Variants in DNAH10 observed in about 807,000 individuals in gnomAD.
DNAH10 encodes the protein axonemal beta dynein heavy chain 10.
A neutral mutation model predicts 506.6 loss-of-function variants in DNAH10; 348 were observed. That is an observed-to-expected ratio of 0.69 (90% confidence interval 0.63 to 0.75). The LOEUF is 0.75. Among genes scored for constraint, DNAH10 ranks in the 30% least tolerant of loss-of-function variants. The pLI is 0.00. For missense variants in DNAH10, 5,179 were observed against 5,787.1 expected (o/e 0.89, Z 3.41); for synonymous variants, 2,059 against 2,198.6 (o/e 0.94, Z 1.78).
At chr12:123,782,631 C>T (rs905432996) in intron 6 of DNAH10, among the ~76,000 whole-genome samples, 20 of 151,752 alleles carry the variant, frequency 1.3e-4, no homozygotes, top group Admixed American at 8.5e-4. Flanking sequence ...AGGCTGGTCT[C>T]GAACTCCTGA....
In DNAH10 at chr12:123,806,624, G is replaced by A. The variant is rs182105963; in HGVS notation, c.2987+1584G>A. Among the ~76,000 whole-genome samples, 363 of 152,168 alleles carry A rather than the reference G, an allele frequency of 2.4e-3. 1 individual carries two copies. The highest frequency in any genetic ancestry group is 4.2e-3 in the Non-Finnish European group (288 of 68,012). ...CTTCTTGTTTTCTGGACCCAGTTTCGCAAACTTCTCTAAGTTGATCCTTTA... is the reference window on the plus strand; with the variant it reads ...CTTCTTGTTTTCTGGACCCAGTTTCACAAACTTCTCTAAGTTGATCCTTTA... On this transcript the variant is annotated intron_variant, in intron 18 of 78. Transcript: ENST00000673944.
At chr12:123,792,451 CTTTTTTTTTTTTTTTTT>C (rs78654407) in intron 11 of DNAH10, among the ~76,000 whole-genome samples, 79,987 of 135,794 alleles carry the variant, frequency 0.59, 23,295 homozygotes, top group East Asian at 0.94. Flanking sequence ...TTCCTTTGTC[CTTTTTTTTTTTTTTTTT>C]TTTTTTTTGA....
At chr12:123,897,043 G>T (rs114178813) in intron 54 of DNAH10, among the ~76,000 whole-genome samples, 2,567 of 152,180 alleles carry the variant, frequency 0.017, 78 homozygotes, top group African/African-American at 0.058. Context: ...TCGAATCTGT[G>T]TTCTGTCTGT....
At chr12:123,827,028 A>G (rs1425343009) in intron 25 of DNAH10, 130 bp downstream of exon 25, 9 of 742,892 alleles carry the variant, frequency 1.2e-5, no homozygotes, top group East Asian at 8.1e-5. Flanking sequence ...AGGGCTATAC[A>G]TGGGCACGAC....
At chr12:123,778,849 C>T (rs112357542) in intron 5 of DNAH10, among the ~76,000 whole-genome samples, 6,371 of 152,138 alleles carry the variant, frequency 0.042, 425 homozygotes, top group African/African-American at 0.14. Context: ...GTGATCCTCC[C>T]ATCTCAGCCT....
chr12:123,775,110 T>C (rs568056496), intron 5 of DNAH10, among the ~76,000 whole-genome samples: 4 of 152,294 alleles, frequency 2.6e-5, no homozygotes, highest in South Asian at 2.1e-4. Context: ...ATGTCTAAGC[T>C]TTCTTTTTTA....
chr12:123,849,963 A>G (rs193277358), intron 34 of DNAH10, among the ~76,000 whole-genome samples: 1 of 152,270 alleles, frequency 6.6e-6, no homozygotes, highest in East Asian at 1.9e-4. Context: ...CCTGCAATGT[A>G]TATAGATTTC....
In DNAH10 at chr12:123,867,486, A is replaced by G; in HGVS notation, c.7187A>G (p.Asn2396Ser). The change falls in exon 42 of 79, where the codon AAT becomes AGT. Residue 2396 changes from asparagine (N) to serine (S), a missense_variant. By Grantham distance (46) the Asn-to-Ser change is conservative. This residue lies in a region of DNAH10 where 4,844 missense variants were observed against 5,430.5 expected (regional missense o/e 0.89). Coordinates refer to ENST00000673944, the MANE Select transcript of DNAH10 (RefSeq NM_001372106.1). ...TTATAGGTGGAGCAATACAATTTGA[A>G]TAGTCTCTTTGAGAAGTATGTGCCC... The part of the protein sequence containing the change: ...IPNKVEQYNL[N>S]SLFEKYVPYL... 1 of 1,613,648 alleles carries G rather than the reference A, an allele frequency of 6.2e-7. No homozygotes were observed. The highest frequency in any genetic ancestry group is 8.5e-7 in the Non-Finnish European group (1 of 1,179,768).
intron 25 of DNAH10, among the ~76,000 whole-genome samples, chr12:123,829,244 G>A (rs1960286525): frequency 6.6e-6 from 1 of 152,218 alleles, no homozygotes; most frequent in South Asian, 2.1e-4. Context: ...AGCAAGTGTA[G>A]CTGGGGTTCA....
At position 123,933,386 on chromosome 12, in the gene DNAH10, C is replaced by T; in HGVS notation, c.13352C>T (p.Ser4451Phe). ...CTCTCGGGGCTGCACATCCCTGAGTCCTACCTCACGGCGCTGGTGCAGGCC... is the reference window on the plus strand; with the variant it reads ...CTCTCGGGGCTGCACATCCCTGAGTTCTACCTCACGGCGCTGGTGCAGGCC... ...MWLSGLHIPE[S>F]YLTALVQATC... The change falls in exon 77 of 79, where the codon TCC becomes TTC. Residue 4451 changes from serine to phenylalanine, a missense_variant. Around this residue, in one of 3 missense-constraint regions of DNAH10, gnomAD observed 4,844 missense variants for 5,430.5 expected, o/e 0.89. Coordinates refer to ENST00000673944, the MANE Select transcript of DNAH10 (RefSeq NM_001372106.1). 1 of 1,611,198 alleles carries T rather than the reference C, an allele frequency of 6.2e-7. No individual in the cohort carries two copies. Among genetic ancestry groups the T allele is most frequent in the Non-Finnish European group, 8.5e-7 (1 of 1,179,508 alleles).
intron 30 of DNAH10, among the ~76,000 whole-genome samples, chr12:123,842,033 T>C (rs1174687046): frequency 1.3e-5 from 2 of 152,214 alleles, no homozygotes; most frequent in African/African-American, 4.8e-5. Context: ...TAGCAGTCTT[T>C]CAATGATCAC....
chr12:123,934,359 AT>A (rs1955374589), intron 77 of DNAH10: 2 of 660,226 alleles, frequency 3.0e-6, no homozygotes, highest in African/African-American at 3.6e-5. Context: ...AGGAATGAGG[AT>A]TCCTGGGGGA....
In DNAH10 at chr12:123,853,183, T is replaced by C; in HGVS notation, c.6292-23T>C. On this transcript the variant is annotated intron_variant, in intron 35 of 78. Coordinates refer to ENST00000673944, the MANE Select transcript of DNAH10 (RefSeq NM_001372106.1). This position sits in a 1 kb window ranked among gnomAD's most constrained non-coding sequence, Gnocchi z 4.7. ...TCATTTTCTTTTTTCTTTTTTTTTGTATTATTATCTTCTATCAAAAAGACT... is the reference window on the plus strand; with the variant it reads ...TCATTTTCTTTTTTCTTTTTTTTTGCATTATTATCTTCTATCAAAAAGACT... 1 of 1,533,466 alleles carries C rather than the reference T, an allele frequency of 6.5e-7. No individual in the cohort carries two copies. The highest frequency in any genetic ancestry group is 8.8e-7 in the Non-Finnish European group (1 of 1,139,520). The allele number at this position is 1,533,466 out of a possible 1,614,324, so 95.0% of individuals were successfully genotyped here.
rs1957863914 is a variant in DNAH10 at position 123,786,657 on chromosome 12, T to TGTATATGATA, written c.1421+721_1421+722insGTATATGATA. Among the ~76,000 whole-genome samples the TGTATATGATA allele has an allele frequency of 9.0e-3, 8 of 886 alleles. No homozygotes were observed. The South Asian group carries it at 0.19, about 21-fold the overall frequency. The allele number at this position is 886 out of a possible 152,430, so 0.6% of individuals were successfully genotyped here. On this transcript the variant is annotated intron_variant, in intron 9 of 78. Transcript: ENST00000673944. ...TTCCATTGTATGGAGATATATTTTG[T>TGTATATGATA]TTCAGATACATATATGTGTGTGTGC...
At chr12:123,819,848 G>A (rs1192131701) in intron 23 of DNAH10, among the ~76,000 whole-genome samples, 6 of 151,818 alleles carry the variant, frequency 4.0e-5, no homozygotes, top group Non-Finnish European at 8.8e-5. Context: ...GAGACTACAG[G>A]CACATGCCAC....
chr12:123,787,910 A>AGG lies in DNAH10; in HGVS notation c.1530_1531dup (p.Glu511GlyfsTer44). ...CCGGGCCAAGATAGAGGCTTCGGGG[A>AGG]GGGAAGATCGGTGGGAGTTTGACCG... On this transcript the variant is annotated frameshift_variant, in exon 10 of 79. Coordinates refer to ENST00000673944, the MANE Select transcript of DNAH10 (RefSeq NM_001372106.1). LOFTEE classifies it high-confidence loss of function. The surrounding 1 kb of genome is among the most constrained non-coding windows in gnomAD (Gnocchi z 4.6). 1 of 1,611,770 alleles carries AGG rather than the reference A, an allele frequency of 6.2e-7. No individual in the cohort carries two copies. The highest frequency in any genetic ancestry group is 1.1e-5 in the South Asian group (1 of 90,434).
chr12:123,893,518 T>A, intron 53 of DNAH10, 82 bp downstream of exon 53: 1 of 1,525,088 alleles, frequency 6.6e-7, no homozygotes, highest in East Asian at 2.3e-5. Flanking sequence ...CCTCTCCAGG[T>A]TCCCCCAGCA....
Position 123,903,131 on chromosome 12 carries a change from C to A in DNAH10, c.9815+18C>A. On this transcript the variant is annotated intron_variant, in intron 57 of 78. Transcript: ENST00000673944. This position sits in a 1 kb window ranked among gnomAD's most constrained non-coding sequence, Gnocchi z 4.6. Reference sequence around the variant, plus strand: ...GAGATTAGGTAATGCACCTGAGCCACCATTCTGGGCTTCCATTCCACCTCT... The same window carrying A: ...GAGATTAGGTAATGCACCTGAGCCAACATTCTGGGCTTCCATTCCACCTCT... The A allele has an allele frequency of 6.3e-7, 1 of 1,592,830 alleles. No homozygotes were observed. Among genetic ancestry groups the A allele is most frequent in the African/African-American group, 1.3e-5 (1 of 74,432 alleles).
chr12:123,867,998 C>T lies in DNAH10; in HGVS notation c.7398C>T (p.Cys2466=). Residue 2466 remains cysteine, a synonymous_variant, in exon 43 of 79, where the codon TGC becomes TGT. Transcript: ENST00000673944. ...GCTACTTCCTGGAGGCTTTGTACTG[C>T]TCTCTGGGAGCCTCCCTGCTTGAGG... The part of the protein sequence containing the change: ...LECYFLEALY[C]SLGASLLEDG... The T allele has an allele frequency of 6.2e-7, 1 of 1,613,930 alleles. No homozygotes were observed. The highest frequency in any genetic ancestry group is 2.2e-5 in the East Asian group (1 of 44,872).
Sources: gnomAD v4.1 joint callset for allele counts (sites outside exome capture counted in the v4.1 genomes callset) on GRCh38, gnomAD v4.1.1 for gene constraint, gnomAD v4.1.1 regional missense constraint, Gnocchi (gnomAD v3.1) non-coding constraint, MANE v1.5 for transcripts, NCBI Gene and HGNC (gene_info 2026-07-23, HGNC 2026-07-21) for gene names.